OSBPL9: variants seen among roughly 807,000 people sequenced by gnomAD.
OSBPL9 encodes the protein oxysterol binding protein like 9.
Under a neutral mutation model 106.6 loss-of-function variants are expected in OSBPL9, and 40 were observed. The observed-to-expected ratio is 0.38, with a 90% CI of 0.29 to 0.49. OSBPL9 has a LOEUF of 0.49. Among genes scored for constraint, OSBPL9 ranks in the 20% least tolerant of loss-of-function variants. The probability of loss-of-function intolerance (pLI) is 0.97; values close to 1 mark genes in which losing one functional copy is unlikely to be tolerated. For synonymous variants in OSBPL9, 269 were observed against 295.4 expected (o/e 0.91, Z 0.92); for missense variants, 609 against 887.2 (o/e 0.69, Z 3.98).
intron 3 of OSBPL9, among the ~76,000 whole-genome samples, chr1:51,673,351 T>A (rs1325399141): frequency 1.3e-5 from 2 of 152,188 alleles, no homozygotes; most frequent in Admixed American, 1.3e-4. Context: ...ATTCAAGTTT[T>A]GATGTAAAGG....
At chr1:51,568,596 C>T in the OSBPL9 span, among the ~76,000 whole-genome samples, 1 of 152,216 alleles carries the variant, frequency 6.6e-6, no homozygotes, top group East Asian at 1.9e-4. Context: ...ACTCTGTCAC[C>T]CAGGCTGTCG....
intron 2 of OSBPL9, among the ~76,000 whole-genome samples, chr1:51,609,240 T>C (rs1038022371): frequency 6.6e-6 from 1 of 152,082 alleles, no homozygotes; most frequent in African/African-American, 2.4e-5. Flanking sequence ...TTTTTCCTCT[T>C]CTTTAAATTT....
At chr1:51,647,651 A>T (rs74732924) in intron 1 of OSBPL9, among the ~76,000 whole-genome samples, 1,810 of 151,654 alleles carry the variant, frequency 0.012, 37 homozygotes, top group African/African-American at 0.042. Context: ...CTTGGAATTT[A>T]TTGGTTTCAT....
At chr1:51,692,262 CTGATTGTGCCA>C (rs1182103161) in intron 3 of OSBPL9, among the ~76,000 whole-genome samples, 1 of 152,158 alleles carries the variant, frequency 6.6e-6, no homozygotes, top group East Asian at 1.9e-4. Context: ...GCAGTGAGCT[CTGATTGTGCCA>C]CTGCACTCTA....
chr1:51,551,999 GT>G, the OSBPL9 span, among the ~76,000 whole-genome samples: 1 of 151,548 alleles, frequency 6.6e-6, no homozygotes, highest in Non-Finnish European at 1.5e-5. Context: ...GTGTGTGTGT[GT>G]TTAGTTTGTT....
the OSBPL9 span, among the ~76,000 whole-genome samples, chr1:51,544,940 C>T: frequency 0.061 from 9,017 of 148,438 alleles, 865 homozygotes; most frequent in African/African-American, 0.21. Flanking sequence ...ACCTCCCAGG[C>T]TCAAGCAATT....
intron 3 of OSBPL9, chr1:51,707,164 G>T: frequency 2.5e-6 from 1 of 396,596 alleles, no homozygotes; most frequent in African/African-American, 2.1e-5. Flanking sequence ...TGGACCATGA[G>T]GTCCACCACC....
intron 1 of OSBPL9, among the ~76,000 whole-genome samples, chr1:51,588,314 T>C (rs958118573): frequency 2.6e-5 from 4 of 152,120 alleles, no homozygotes; most frequent in African/African-American, 4.8e-5. Flanking sequence ...CCTCGGAGGC[T>C]GAAGTTGCAG....
At chr1:51,649,149 C>T (rs751466838) in intron 1 of OSBPL9, among the ~76,000 whole-genome samples, 1 of 152,092 alleles carries the variant, frequency 6.6e-6, no homozygotes, top group African/African-American at 2.4e-5. Context: ...CACTGTTTCC[C>T]AGGATGGAGT....
At position 51,586,693 on chromosome 1, in the gene OSBPL9, G is replaced by A. The variant is rs529904549; in HGVS notation, c.-423+9437G>A. ...CAATCCTACCAGCCAGGCCCCAGGTGCGGGTCACAATGGAAGCAGCAGAGG... is the reference window on the plus strand; with the variant it reads ...CAATCCTACCAGCCAGGCCCCAGGTACGGGTCACAATGGAAGCAGCAGAGG... On this transcript the variant is annotated intron_variant, in intron 1 of 25. Transcript: ENST00000371714. Among the ~76,000 whole-genome samples, 5 of 152,308 alleles carry A rather than the reference G, an allele frequency of 3.3e-5. No homozygotes were observed. The East Asian group carries it at 9.6e-4, about 29-fold the overall frequency.
At chr1:51,595,820 G>A (rs887338377) in intron 1 of OSBPL9, among the ~76,000 whole-genome samples, 3 of 152,004 alleles carry the variant, frequency 2.0e-5, no homozygotes, top group Non-Finnish European at 4.4e-5. Context: ...TATCATGCTC[G>A]CCTTACAGAT....
intron 2 of OSBPL9, among the ~76,000 whole-genome samples, chr1:51,609,342 C>CTTT (rs1212729230): frequency 2.2e-5 from 3 of 138,256 alleles, no homozygotes; most frequent in Non-Finnish European, 1.6e-5. Flanking sequence ...CTTCTCTCTC[C>CTTT]TTTTTTTTTT....
chr1:51,590,553 G>C (rs1645269509), intron 1 of OSBPL9, among the ~76,000 whole-genome samples: 1 of 149,670 alleles, frequency 6.7e-6, no homozygotes, highest in Non-Finnish European at 1.5e-5. Flanking sequence ...CCAGGGGGCG[G>C]AGCTTGCATT....
At chr1:51,758,424 G>GAA (rs762203289) in intron 9 of OSBPL9, among the ~76,000 whole-genome samples, 349 of 124,382 alleles carry the variant, frequency 2.8e-3, no homozygotes, top group African/African-American at 8.3e-3. Flanking sequence ...CCTATTTTCA[G>GAA]AAAAAAAAAA....
intron 1 of OSBPL9, among the ~76,000 whole-genome samples, chr1:51,584,001 T>G (rs953960614): frequency 6.6e-6 from 1 of 152,108 alleles, no homozygotes; most frequent in Non-Finnish European, 1.5e-5. Context: ...ATCCCACAAT[T>G]CAATCTACCA....
intron 3 of OSBPL9, among the ~76,000 whole-genome samples, chr1:51,679,689 A>T (rs1652079788): frequency 6.6e-6 from 1 of 152,218 alleles, no homozygotes; most frequent in African/African-American, 2.4e-5. Flanking sequence ...TATGGTGATG[A>T]TGGTACCTGC....
At position 51,787,906 on chromosome 1, in the gene OSBPL9, A is replaced by G. The variant is rs1009496745; in HGVS notation, c.*117A>G. On this transcript the variant is annotated 3_prime_UTR_variant, in exon 24 of 24. Coordinates refer to ENST00000428468, the MANE Select transcript of OSBPL9 (RefSeq NM_024586.6). ...CAATCTTCTAATTACAGTGGTTCCT[A>G]TCTCAGGGATACTGGACTTTCTGAC... The G allele has an allele frequency of 4.4e-6, 4 of 900,868 alleles. No homozygotes were observed. In the African/African-American group the frequency reaches 6.7e-5, roughly 15 times the overall value. 55.8% of individuals were successfully genotyped at this position (900,868 alleles called of 1,614,324 possible).
At chr1:51,673,891 T>C (rs1271960865) in intron 3 of OSBPL9, among the ~76,000 whole-genome samples, 3 of 150,404 alleles carry the variant, frequency 2.0e-5, no homozygotes, top group Non-Finnish European at 4.4e-5. Flanking sequence ...TAAAAAAGTT[T>C]TTTTTTTTTT....
the OSBPL9 span, among the ~76,000 whole-genome samples, chr1:51,553,686 T>A: frequency 3.9e-4 from 57 of 146,324 alleles, no homozygotes; most frequent in African/African-American, 1.3e-3. Flanking sequence ...TAAAAAAAAA[T>A]TTTTTTTTTT....
Sources: allele counts gnomAD v4.1 joint callset (sites outside exome capture counted in the v4.1 genomes callset), GRCh38; gene constraint gnomAD v4.1.1; transcripts MANE v1.5; gene names NCBI Gene and HGNC (gene_info 2026-07-23, HGNC 2026-07-21).